The following BRAT1 variants were observed in gnomAD, a reference collection of about 807,000 sequenced individuals.
BRAT1 encodes the protein BRCA1 associated ATM activator 1.
Under a neutral mutation model 70.6 loss-of-function variants are expected in BRAT1, and 74 were observed. The ratio of observed to expected loss-of-function variants is 1.05; its 90% CI spans 0.87 to 1.27. The LOEUF (loss-of-function observed/expected upper bound fraction) is 1.27, where lower values mean the gene tolerates loss of function less well. Ranked by LOEUF, BRAT1 falls within the 50% of genes most tolerant of loss-of-function variation. BRAT1 has a pLI of 0.00. For missense variants in BRAT1, 1,203 were observed against 1,098.2 expected (o/e 1.10, Z -1.35); for synonymous variants, 615 against 517.1 (o/e 1.19, Z -2.57).
At chr7:2,542,601 G>A (rs1779263360) in intron 6 of BRAT1, 5 of 252,802 alleles carry the variant, frequency 2.0e-5, no homozygotes, top group Admixed American at 5.1e-5. Context: ...TCCCCACAAT[G>A]CATTCCTGCA....
chr7:2,545,400 G>A (rs1028084156), intron 3 of BRAT1, among the ~76,000 whole-genome samples: 2 of 140,908 alleles, frequency 1.4e-5, no homozygotes, highest in African/African-American at 2.5e-5. Flanking sequence ...AGAGGTGAGG[G>A]GACCTGGTAG....
rs1364403964 is a variant in BRAT1 at position 2,554,409 on chromosome 7, A to C, written c.23T>G (p.Leu8Arg). 10 of 1,613,820 alleles carry C rather than the reference A, an allele frequency of 6.2e-6. No individual in the cohort carries two copies. The South Asian group carries it at 9.9e-5, about 16-fold the overall frequency. The change falls in exon 2 of 14, where the codon CTG becomes CGG. Residue 8 changes from leucine to arginine, a missense_variant. Coordinates refer to ENST00000340611, the MANE Select transcript of BRAT1 (RefSeq NM_152743.4). MDPECAQ[L>R]LPALCAVLVD... Reference sequence around the variant, plus strand: ...CAGAACAGCACAGAGAGCCGGGAGCAGCTGGGCGCATTCTGGGTCCATGGT... The same window carrying C: ...CAGAACAGCACAGAGAGCCGGGAGCCGCTGGGCGCATTCTGGGTCCATGGT...
chr7:2,541,674 A>G (rs1779177035), intron 8 of BRAT1, 44 bp downstream of exon 8: 3 of 1,565,230 alleles, frequency 1.9e-6, no homozygotes, highest in East Asian at 4.6e-5. Flanking sequence ...TCCCACCGCC[A>G]GCGTGGATGC....
chr7:2,547,379 G>T lies in BRAT1; in HGVS notation c.227C>A (p.Ser76Ter). Residue 76 changes from serine (S) to a stop codon, truncating the protein, a stop_gained, in exon 3 of 14, where the codon TCA (serine) becomes TAA (stop). Coordinates refer to ENST00000340611, the MANE Select transcript of BRAT1 (RefSeq NM_152743.4). LOFTEE classifies it high-confidence loss of function. ...QDLSSGVLSF[S>*]LRLAGTFAAQ... ...TGCGAAGGTTCCTGCCAGGCGCAGT[G>T]AGAAGGAGAGGACCCCAGAACTCAG... The T allele has an allele frequency of 6.2e-7, 1 of 1,614,146 alleles. No individual in the cohort carries two copies. Among genetic ancestry groups the T allele is most frequent in the South Asian group, 1.1e-5 (1 of 91,086 alleles).
Position 2,539,535 on chromosome 7 carries a change from A to G in BRAT1, c.1597+9T>C. 1 of 1,550,192 alleles carries G rather than the reference A, an allele frequency of 6.5e-7. No homozygotes were observed. On this transcript the variant is annotated intron_variant, in intron 12 of 13. Coordinates refer to ENST00000340611, the MANE Select transcript of BRAT1 (RefSeq NM_152743.4). ...GGGGAAGGCAGCCCCTCCACCTGCCAGCACTCACCTCCCCAGTGCCTGCTC... is the reference window on the plus strand; with the variant it reads ...GGGGAAGGCAGCCCCTCCACCTGCCGGCACTCACCTCCCCAGTGCCTGCTC...
intron 2 of BRAT1, 46 bp downstream of exon 2, chr7:2,554,259 C>G (rs1162423559): frequency 1.2e-6 from 2 of 1,603,784 alleles, no homozygotes; most frequent in Non-Finnish European, 1.7e-6. Flanking sequence ...CCAGCCTCTG[C>G]GTCTGGTCTC....
chr7:2,545,493 C>CTGCCT (rs1779541167), intron 3 of BRAT1, among the ~76,000 whole-genome samples: 1 of 107,576 alleles, frequency 9.3e-6, no homozygotes, highest in Non-Finnish European at 1.7e-5. Flanking sequence ...ACACTTTCTT[C>CTGCCT]TTCTTTTTTT....
intron 3 of BRAT1, 126 bp downstream of exon 3, chr7:2,547,198 G>A (rs1452688367): frequency 9.6e-6 from 12 of 1,245,454 alleles, no homozygotes; most frequent in African/African-American, 1.5e-5. Context: ...TTCTAGTGAG[G>A]ACACAGGGTC....
rs199745325 is a variant in BRAT1 at position 2,543,962 on chromosome 7, C to T, written c.431G>A (p.Gly144Asp). The change falls in exon 5 of 14, where the codon GGT becomes GAT. Residue 144 changes from glycine (G) to aspartate (D), a missense_variant and splice_region_variant. By Grantham distance (94) the Gly-to-Asp change is moderately conservative. Transcript: ENST00000340611. The surrounding 1 kb of genome is among the most constrained non-coding windows in gnomAD (Gnocchi z 5.5). ...CAGGGAGAAGATGGTGTCGACCGCA[C>T]CTGGGTAGGGGATGGGGGAAGAGAG... ...PSALRFLADH[G>D]AVDTIFSLQG... 1.9e-4 allele frequency: 305 copies of T among 1,565,138 alleles called. 4 individuals carry two copies. In the East Asian group the frequency reaches 6.3e-3, roughly 32 times the overall value.
rs1275931535 is a variant in BRAT1 at position 2,538,241 on chromosome 7, C to T, written c.2294G>A (p.Gly765Glu). The T allele has an allele frequency of 3.2e-5, 52 of 1,609,966 alleles. No individual in the cohort carries two copies. Among genetic ancestry groups the T allele is most frequent in the Non-Finnish European group, 4.3e-5 (51 of 1,178,652 alleles). The change falls in exon 14 of 14, where the codon GGG (glycine) becomes GAG (glutamate). Residue 765 changes from glycine to glutamate, a missense_variant. Gly to Glu is a moderately conservative substitution (Grantham distance 98, BLOSUM62 -2). Transcript: ENST00000340611. Reference sequence around the variant, plus strand: ...CAGCACAGCCTCAGGCTCCTGGTCCCCTGGGGGCTGGGCCTGCTCACCCGC... The same window carrying T: ...CAGCACAGCCTCAGGCTCCTGGTCCTCTGGGGGCTGGGCCTGCTCACCCGC... ...WRAGEQAQPP[G>E]DQEPEAVLAM...
At chr7:2,552,883 G>A (rs1382379720) in intron 2 of BRAT1, among the ~76,000 whole-genome samples, 5 of 149,758 alleles carry the variant, frequency 3.3e-5, no homozygotes, top group Admixed American at 6.7e-5. Context: ...GACTACAGGC[G>A]CCCACCACCA....
rs376101375 is a variant in BRAT1, at chr7:2,538,594, G to A, written c.1941C>T (p.Asp647=). Residue 647 remains aspartate, a synonymous_variant, in exon 14 of 14, where the codon GAC becomes GAT. Transcript: ENST00000340611. ...TVLQAASRDL[D]WEVRAQGLEL... ...CCAGGCCCTGGGCGCGGACCTCCCA[G>A]TCCAGGTCTCGGCTCGCCGCCTGCA... The A allele has an allele frequency of 1.6e-4, 258 of 1,599,396 alleles. No individual in the cohort carries two copies. Among genetic ancestry groups the A allele is most frequent in the Non-Finnish European group, 2.0e-4 (240 of 1,178,974 alleles).
chr7:2,539,161 G>T lies in BRAT1; in HGVS notation c.1770+18C>A. ...GGCCAGGCGGGAGTTGCTGGCTGAG[G>T]AACCTGCCACCTCCTACCTGCCGGG... On this transcript the variant is annotated intron_variant, in intron 13 of 13. Coordinates refer to ENST00000340611, the MANE Select transcript of BRAT1 (RefSeq NM_152743.4). 1 of 1,581,206 alleles carries T rather than the reference G, an allele frequency of 6.3e-7. No individual in the cohort carries two copies. The highest frequency in any genetic ancestry group is 8.6e-7 in the Non-Finnish European group (1 of 1,160,148).
At chr7:2,553,645 CTT>C (rs1562595838) in intron 2 of BRAT1, among the ~76,000 whole-genome samples, 1 of 150,890 alleles carries the variant, frequency 6.6e-6, no homozygotes, top group Non-Finnish European at 1.5e-5. Context: ...ACATGTATTA[CTT>C]TGTTTTTTTT....
chr7:2,544,133 G>A (rs1388780508), intron 4 of BRAT1, 171 bp from the exon 5 acceptor site: 1 of 456,282 alleles, frequency 2.2e-6, no homozygotes, highest in Non-Finnish European at 3.8e-6. Flanking sequence ...CTGGAGACAA[G>A]CACCTCCTCC....
rs772032271 is a variant in BRAT1 at position 2,538,425 on chromosome 7, C to T, written c.2110G>A (p.Ala704Thr). The T allele has an allele frequency of 4.0e-5, 64 of 1,613,262 alleles. No homozygotes were observed. The highest frequency in any genetic ancestry group is 4.9e-5 in the Non-Finnish European group (58 of 1,179,972). The change falls in exon 14 of 14, where the codon GCC becomes ACC. Residue 704 changes from alanine to threonine, a missense_variant. Physicochemically the swap from Ala to Thr is moderately conservative, Grantham distance 58. Coordinates refer to ENST00000340611, the MANE Select transcript of BRAT1 (RefSeq NM_152743.4). ...TCGCAGTCAAACAAGGCACAAAAGG[C>T]GAAGTCAAAGAGCCCCACGTGGCAG... Reference protein sequence around the residue: ...ALCHVGLFDFAFCALFDCDRP... With the variant: ...ALCHVGLFDFTFCALFDCDRP...
chr7:2,548,668 T>TA (rs59949760), intron 2 of BRAT1, among the ~76,000 whole-genome samples: 4,001 of 133,358 alleles, frequency 0.03, 155 homozygotes, highest in African/African-American at 0.1. Flanking sequence ...CCTGTCTCTC[T>TA]AAAAAAAAAA....
chr7:2,550,174 GAAA>G (rs58187536), intron 2 of BRAT1, among the ~76,000 whole-genome samples: 1 of 144,618 alleles, frequency 6.9e-6, no homozygotes, highest in East Asian at 2.1e-4. Context: ...AAAAAAAAAA[GAAA>G]AAAAAAATGC....
chr7:2,545,733 G>A (rs1384994048), intron 3 of BRAT1, among the ~76,000 whole-genome samples: 2 of 152,044 alleles, frequency 1.3e-5, no homozygotes, highest in Non-Finnish European at 1.5e-5. Flanking sequence ...CAGGTGATCC[G>A]CCTGCCTCAG....
Sources: gnomAD v4.1 joint callset for allele counts (sites outside exome capture counted in the v4.1 genomes callset) on GRCh38, gnomAD v4.1.1 for gene constraint, Gnocchi (gnomAD v3.1) non-coding constraint, MANE v1.5 for transcripts, NCBI Gene and HGNC (gene_info 2026-07-23, HGNC 2026-07-21) for gene names.